The following TNS3 variants were observed in gnomAD, a reference collection of about 807,000 sequenced individuals.
TNS3 encodes the protein tensin 3.
Under a neutral mutation model 140.9 loss-of-function variants are expected in TNS3, and 45 were observed. The ratio of observed to expected loss-of-function variants is 0.32; its 90% confidence interval spans 0.25 to 0.41. TNS3 has a LOEUF of 0.41. Among genes scored for constraint, TNS3 ranks in the 10% least tolerant of loss-of-function variants. The pLI, the probability that TNS3 is intolerant of heterozygous loss-of-function variation, is 1.00. For synonymous variants in TNS3, 815 were observed against 788.4 expected (o/e 1.03, Z -0.56); for missense variants, 1,716 against 1,906.7 (o/e 0.90, Z 1.86).
At position 47,344,702 on chromosome 7, in the gene TNS3, G is replaced by C. The variant is rs556827170; in HGVS notation, c.2650+53C>G. 11 of 1,536,194 alleles carry C rather than the reference G, an allele frequency of 7.2e-6. No individual in the cohort carries two copies. In the East Asian group the frequency reaches 2.5e-4, roughly 35 times the overall value. On this transcript the variant is annotated intron_variant, in intron 20 of 30. Transcript: ENST00000311160. ...TCTTCTCTGTAAAAATGGCGACCCC[G>C]CGATGCAGCGCCTGAGTGCCGCGCG...
chr7:47,572,858 CA>C (rs1288520753), intron 1 of TNS3, among the ~76,000 whole-genome samples: 247 of 122,306 alleles, frequency 2.0e-3, no homozygotes, highest in Middle Eastern at 8.5e-3. Flanking sequence ...GACTCCGTCT[CA>C]AAAAAAAAAA....
At chr7:47,579,409 C>A (rs1025936486) in intron 1 of TNS3, 1 of 152,156 alleles carries the variant, frequency 6.6e-6, no homozygotes, top group Non-Finnish European at 1.5e-5. Flanking sequence ...CAGATCAACC[C>A]GCAAGACAGG....
At chr7:47,393,561 G>T (rs1792652996) in intron 16 of TNS3, among the ~76,000 whole-genome samples, 1 of 152,098 alleles carries the variant, frequency 6.6e-6, no homozygotes. Flanking sequence ...GTCCTCCCCT[G>T]TCACTCCACC....
At chr7:47,441,576 C>T (rs537368256) in intron 5 of TNS3, among the ~76,000 whole-genome samples, 3 of 152,322 alleles carry the variant, frequency 2.0e-5, no homozygotes, top group South Asian at 2.1e-4. Context: ...GGATTTCATT[C>T]CAATTCAAAT....
At chr7:47,396,777 G>A (rs768627308) in intron 16 of TNS3, 23 bp downstream of exon 16, 2 of 1,586,196 alleles carry the variant, frequency 1.3e-6, no homozygotes, top group South Asian at 1.1e-5. Flanking sequence ...CTCCATAACT[G>A]CACACAAGAT....
intron 2 of TNS3, among the ~76,000 whole-genome samples, chr7:47,519,847 G>A (rs1234772916): frequency 2.0e-5 from 2 of 97,866 alleles, no homozygotes; most frequent in African/African-American, 3.9e-5. Context: ...TTTTTGAGAC[G>A]GAGTCTCGCT....
chr7:47,525,865 G>A (rs531367666), intron 2 of TNS3, among the ~76,000 whole-genome samples: 15 of 152,246 alleles, frequency 9.9e-5, no homozygotes, highest in East Asian at 3.9e-4. Context: ...TATTTCACAC[G>A]CCACATATTT....
At chr7:47,381,058 A>T (rs539014798) in intron 16 of TNS3, among the ~76,000 whole-genome samples, 5 of 152,264 alleles carry the variant, frequency 3.3e-5, no homozygotes, top group Admixed American at 2.6e-4. Context: ...GGTTGAGTGA[A>T]ATTTGAACTC....
At chr7:47,578,663 G>A (rs1039892939) in intron 1 of TNS3, among the ~76,000 whole-genome samples, 2 of 152,190 alleles carry the variant, frequency 1.3e-5, no homozygotes, top group African/African-American at 2.4e-5. Flanking sequence ...AGACACCCGA[G>A]GGACCCTGAG....
At chr7:47,509,848 TCA>T (rs1798546657) in intron 2 of TNS3, among the ~76,000 whole-genome samples, 2 of 152,010 alleles carry the variant, frequency 1.3e-5, no homozygotes, top group Admixed American at 1.3e-4. Flanking sequence ...TCATGGCAGG[TCA>T]TCATGGCTTG....
At chr7:47,483,555 C>T (rs986912545) in intron 3 of TNS3, among the ~76,000 whole-genome samples, 2 of 152,196 alleles carry the variant, frequency 1.3e-5, no homozygotes, top group Non-Finnish European at 2.9e-5. Context: ...TGGAAGCACA[C>T]GTTTGTTGAG....
chr7:47,474,659 A>G (rs554054277), intron 4 of TNS3, among the ~76,000 whole-genome samples: 1 of 149,928 alleles, frequency 6.7e-6, no homozygotes, highest in East Asian at 2.0e-4. Flanking sequence ...ACACACACAA[A>G]AAACACCTCA....
At chr7:47,504,928 T>G (rs1327628846) in intron 3 of TNS3, among the ~76,000 whole-genome samples, 1 of 152,200 alleles carries the variant, frequency 6.6e-6, no homozygotes, top group Non-Finnish European at 1.5e-5. Context: ...AACTGCCAAT[T>G]GCTGCCGTTA....
chr7:47,399,107 A>C (rs1211762138), intron 15 of TNS3, among the ~76,000 whole-genome samples: 1 of 151,496 alleles, frequency 6.6e-6, no homozygotes, highest in African/African-American at 2.4e-5. Context: ...AAAACTAGAA[A>C]TATACTTAAT....
intron 23 of TNS3, among the ~76,000 whole-genome samples, chr7:47,298,635 G>C (rs994400430): frequency 6.6e-6 from 1 of 152,204 alleles, no homozygotes; most frequent in Non-Finnish European, 1.5e-5. Flanking sequence ...GCCTGGAAGC[G>C]ATCAGGGCGC....
At chr7:47,465,345 A>C (rs1796661707) in intron 4 of TNS3, among the ~76,000 whole-genome samples, 1 of 152,164 alleles carries the variant, frequency 6.6e-6, no homozygotes, top group South Asian at 2.1e-4. Flanking sequence ...TAACTGCAAG[A>C]GGGGGAAAGG....
chr7:47,306,274 A>C (rs982639468), intron 20 of TNS3, among the ~76,000 whole-genome samples: 1 of 152,184 alleles, frequency 6.6e-6, no homozygotes, highest in South Asian at 2.1e-4. Flanking sequence ...TATCCAAAAA[A>C]AGCAAGGGAA....
intron 11 of TNS3, among the ~76,000 whole-genome samples, chr7:47,414,713 G>A (rs1793978399): frequency 6.6e-6 from 1 of 152,204 alleles, no homozygotes; most frequent in South Asian, 2.1e-4. Flanking sequence ...AGATGCGTCA[G>A]GGGAGACTGG....
chr7:47,464,219 T>G (rs756091847), intron 4 of TNS3, among the ~76,000 whole-genome samples: 3 of 152,190 alleles, frequency 2.0e-5, no homozygotes, highest in Non-Finnish European at 4.4e-5. Flanking sequence ...TCTATTGATT[T>G]GGCAATGCCT....
Sources: gnomAD v4.1 joint callset for allele counts (sites outside exome capture counted in the v4.1 genomes callset) on GRCh38, gnomAD v4.1.1 for gene constraint, MANE v1.5 for transcripts, NCBI Gene and HGNC (gene_info 2026-07-23, HGNC 2026-07-21) for gene names.